The following GABRA2 variants were observed in gnomAD, a reference collection of about 807,000 sequenced individuals.
The protein encoded by GABRA2 is gamma-aminobutyric acid receptor subunit alpha-2.
In GABRA2, 16 loss-of-function variants were observed where a neutral mutation model predicts 48.7. That is an observed-to-expected ratio of 0.33 (90% CI 0.22 to 0.50). The LOEUF is 0.50. Among genes scored for constraint, GABRA2 ranks in the 20% least tolerant of loss-of-function variants. The pLI, the probability that GABRA2 is intolerant of heterozygous loss-of-function variation, is 0.98. For missense variants in GABRA2, 275 were observed against 535.6 expected, an observed-to-expected ratio of 0.51 and a Z score of 4.80; for synonymous variants, 185 against 184.5, an observed-to-expected ratio of 1.00 and a Z score of -0.02.
At chr4:46,272,163 A>C (rs781135552) in intron 8 of GABRA2, among the ~76,000 whole-genome samples, 127 of 151,946 alleles carry the variant, frequency 8.4e-4, no homozygotes, top group Non-Finnish European at 1.1e-3. Flanking sequence ...TATTTCCTAA[A>C]GGCACACACA....
At chr4:46,332,287 T>C (rs577810515) in intron 4 of GABRA2, among the ~76,000 whole-genome samples, 1 of 152,294 alleles carries the variant, frequency 6.6e-6, no homozygotes, top group African/African-American at 2.4e-5. Context: ...ATATTCACTT[T>C]CCTTATGGAA....
At chr4:46,276,800 GA>G (rs1464886051) in intron 8 of GABRA2, among the ~76,000 whole-genome samples, 2 of 151,844 alleles carry the variant, frequency 1.3e-5, no homozygotes, top group African/African-American at 2.4e-5. Context: ...CCTAACTGGG[GA>G]TTTTTTTTTC....
At chr4:46,314,625 C>T (rs1201635409) in intron 4 of GABRA2, among the ~76,000 whole-genome samples, 4 of 152,026 alleles carry the variant, frequency 2.6e-5, no homozygotes, top group Non-Finnish European at 5.9e-5. Context: ...GTTTTCCAAC[C>T]CTTGACCTCC....
intron 9 of GABRA2, among the ~76,000 whole-genome samples, chr4:46,255,221 A>C (rs899436749): frequency 1.3e-5 from 2 of 151,666 alleles, no homozygotes; most frequent in African/African-American, 4.8e-5. Context: ...CTTAATGATA[A>C]ATGAGTGGCA....
chr4:46,389,183 C>T (rs1717896046), intron 1 of GABRA2: 1 of 988,242 alleles, frequency 1.0e-6, no homozygotes, highest in Non-Finnish European at 1.2e-6. Flanking sequence ...GCAACCACAG[C>T]GGGAAAAGCT....
chr4:46,386,135 A>G lies in GABRA2; in HGVS notation c.126T>C (p.Phe42=). Residue 42 remains phenylalanine (F), a synonymous_variant, in exon 3 of 10, where the codon TTT becomes TTC. Coordinates refer to ENST00000381620, the MANE Select transcript of GABRA2 (RefSeq NM_000807.4). ...EDEAKNNITI[F]TRILDRLLDG... ...CCAGAAGTCTGTCAAGAATTCTCGT[A>G]AAGATGGTAATGTTATTTTTAGCCT... 1 of 1,611,964 alleles carries G rather than the reference A, an allele frequency of 6.2e-7. No individual in the cohort carries two copies. Among genetic ancestry groups the G allele is most frequent in the Non-Finnish European group, 8.5e-7 (1 of 1,179,246 alleles).
intron 4 of GABRA2, among the ~76,000 whole-genome samples, chr4:46,324,001 C>T (rs1729897498): frequency 6.6e-6 from 1 of 151,830 alleles, no homozygotes; most frequent in Non-Finnish European, 1.5e-5. Flanking sequence ...AAAAGCCTCA[C>T]TGATAGTTAT....
intron 3 of GABRA2, among the ~76,000 whole-genome samples, chr4:46,372,544 G>A (rs1476507110): frequency 6.6e-6 from 1 of 152,084 alleles, no homozygotes; most frequent in Non-Finnish European, 1.5e-5. Context: ...CTCAGTGCTA[G>A]GAGCCACCTA....
chr4:46,308,452 T>G (rs1460315156), intron 6 of GABRA2, among the ~76,000 whole-genome samples: 1 of 152,190 alleles, frequency 6.6e-6, no homozygotes, highest in Non-Finnish European at 1.5e-5. Flanking sequence ...CACAGCTGTT[T>G]CTGCCAAACT....
chr4:46,381,446 T>C (rs1194238809), intron 3 of GABRA2, among the ~76,000 whole-genome samples: 1 of 152,146 alleles, frequency 6.6e-6, no homozygotes, highest in Non-Finnish European at 1.5e-5. Flanking sequence ...GCCATGTCAA[T>C]TTTTCAGGCC....
intron 4 of GABRA2, 87 bp downstream of exon 4, chr4:46,332,528 C>T (rs1376346665): frequency 2.6e-6 from 2 of 778,182 alleles, no homozygotes; most frequent in South Asian, 1.5e-5. Context: ...ATACATAATT[C>T]TATAACACTA....
chr4:46,388,730 T>C lies in GABRA2; in HGVS notation c.-10-14A>G. On this transcript the variant is annotated splice_polypyrimidine_tract_variant and intron_variant, in intron 1 of 9. Coordinates refer to ENST00000381620, the MANE Select transcript of GABRA2 (RefSeq NM_000807.4). ...ATCACCGCCGCTCTTTACAAAGCCA[T>C]GGAATGAAAAACAAAATACACTTAA... 6.2e-7 allele frequency: 1 copy of C among 1,613,396 alleles called. No homozygotes were observed. The highest frequency in any genetic ancestry group is 8.5e-7 in the Non-Finnish European group (1 of 1,179,846).
intron 9 of GABRA2, among the ~76,000 whole-genome samples, chr4:46,253,145 T>C (rs1490305340): frequency 6.8e-6 from 1 of 147,674 alleles, no homozygotes; most frequent in Admixed American, 6.9e-5. Context: ...TTTAGGCATG[T>C]AGACAAAGAA....
chr4:46,295,570 C>A (rs373941759), intron 8 of GABRA2, among the ~76,000 whole-genome samples: 3 of 152,294 alleles, frequency 2.0e-5, no homozygotes, highest in South Asian at 2.1e-4. Context: ...GGTCCATGGA[C>A]AATGTGGCCA....
At chr4:46,369,175 T>C (rs1714504488) in intron 3 of GABRA2, among the ~76,000 whole-genome samples, 1 of 152,144 alleles carries the variant, frequency 6.6e-6, no homozygotes, top group African/African-American at 2.4e-5. Flanking sequence ...TTTACTTGAC[T>C]GAGTGACATA....
At chr4:46,266,370 T>C (rs1167982133) in intron 8 of GABRA2, among the ~76,000 whole-genome samples, 2 of 148,662 alleles carry the variant, frequency 1.3e-5, no homozygotes, top group East Asian at 1.9e-4. Context: ...AAATAAATTT[T>C]ATATTTACTT....
chr4:46,279,233 A>G (rs1721058955), intron 8 of GABRA2, among the ~76,000 whole-genome samples: 1 of 152,132 alleles, frequency 6.6e-6, no homozygotes, highest in Non-Finnish European at 1.5e-5. Context: ...TACCTGATAT[A>G]CACTTTGCAT....
intron 1 of GABRA2, chr4:46,389,105 G>A (rs1717884467): frequency 9.9e-7 from 1 of 1,005,820 alleles, no homozygotes; most frequent in Non-Finnish European, 1.2e-6. Flanking sequence ...TGGAGGGGAG[G>A]GGAGGAAAGG....
In GABRA2 at chr4:46,330,587, T is replaced by TAGAGAGAGAGAG. The variant is rs1425282470; in HGVS notation, c.255+2027_255+2028insCTCTCTCTCTCT. ...GCATATATATATATATATATATATA[T>TAGAGAGAGAGAG]ATATAGAGAGAGAGAGAGAGAGATG... On this transcript the variant is annotated intron_variant, in intron 4 of 9. Coordinates refer to ENST00000381620, the MANE Select transcript of GABRA2 (RefSeq NM_000807.4). Among the ~76,000 whole-genome samples the TAGAGAGAGAGAG allele has an allele frequency of 3.3e-4, 41 of 123,512 alleles. No individual in the cohort carries two copies. The East Asian group carries it at 6.2e-3, about 19-fold the overall frequency. 81.0% of individuals were successfully genotyped at this position (123,512 alleles called of 152,430 possible).
Sources: gnomAD v4.1 joint callset for allele counts (sites outside exome capture counted in the v4.1 genomes callset) on GRCh38, gnomAD v4.1.1 for gene constraint, MANE v1.5 for transcripts, NCBI Gene and HGNC (gene_info 2026-07-23, HGNC 2026-07-21) for gene names.